Variants in ADGRG3 observed in about 807,000 individuals in gnomAD.
The protein encoded by ADGRG3 is adhesion G protein-coupled receptor G3.
ADGRG3 carries 39 observed loss-of-function variants against 54.3 expected under a neutral mutation model. That is an observed-to-expected ratio of 0.72 (90% CI 0.56 to 0.94). The LOEUF (loss-of-function observed/expected upper bound fraction) is 0.94, where lower values mean the gene tolerates loss of function less well. Ranked by LOEUF, ADGRG3 falls within the 40% of genes least tolerant of loss-of-function variation. The pLI, the probability that ADGRG3 is intolerant of heterozygous loss-of-function variation, is 0.00. For missense variants in ADGRG3, 654 were observed against 694.6 expected, an observed-to-expected ratio of 0.94 and a Z score of 0.66; for synonymous variants, 312 against 290.0, an observed-to-expected ratio of 1.08 and a Z score of -0.77.
intron 1 of ADGRG3, among the ~76,000 whole-genome samples, chr16:57,671,308 C>A: frequency 6.9e-6 from 1 of 144,316 alleles, no homozygotes; most frequent in Admixed American, 7.0e-5. Flanking sequence ...TTTTAAAGCA[C>A]ATACAGAAAG....
chr16:57,670,540 C>A (rs2048135825), intron 1 of ADGRG3, among the ~76,000 whole-genome samples: 1 of 152,046 alleles, frequency 6.6e-6, no homozygotes, highest in South Asian at 2.1e-4. Context: ...CCTCTCTTCC[C>A]TCTCCCTGTT....
intron 5 of ADGRG3, 106 bp from the exon 6 acceptor site, chr16:57,679,710 T>C: frequency 3.4e-6 from 3 of 888,544 alleles, no homozygotes; most frequent in Admixed American, 3.4e-5. Flanking sequence ...TTCTACCTAA[T>C]GCACACTCAC....
At chr16:57,673,610 C>T (rs1444653478) in intron 2 of ADGRG3, 142 bp downstream of exon 2, 6 of 735,282 alleles carry the variant, frequency 8.2e-6, no homozygotes, top group East Asian at 5.3e-5. Context: ...CACCACAGTC[C>T]CCCTGACCCA....
intron 2 of ADGRG3, among the ~76,000 whole-genome samples, chr16:57,674,879 C>T (rs1262318011): frequency 6.6e-6 from 1 of 150,454 alleles, no homozygotes; most frequent in Non-Finnish European, 1.5e-5. Flanking sequence ...GCCTGTAATC[C>T]CAGCTACTCG....
chr16:57,676,196 G>A lies in ADGRG3; in HGVS notation c.207-4G>A, dbSNP rs373063250. The A allele has an allele frequency of 3.1e-6, 5 of 1,613,510 alleles. No individual in the cohort carries two copies. The highest frequency in any genetic ancestry group is 2.5e-6 in the Non-Finnish European group (3 of 1,179,542). ...ACCCTCCCCCCATCCCTGGCCCTTT[G>A]CAGATACTGGCTAAACTACGAGGCC... is the stretch of plus-strand genomic sequence containing the variant. On this transcript the variant is annotated splice_polypyrimidine_tract_variant and splice_region_variant and intron_variant, in intron 2 of 11. Transcript: ENST00000333493.
upstream of ADGRG3, among the ~76,000 whole-genome samples, chr16:57,666,149 G>T (rs1351641632): frequency 6.6e-6 from 1 of 152,188 alleles, no homozygotes; most frequent in Admixed American, 6.5e-5. Flanking sequence ...GTCTCCGTGA[G>T]GGGGGTCTCT....
Position 57,680,440 on chromosome 16 carries a change from G to C in ADGRG3, c.769-65G>C, listed in dbSNP as rs931495325. The C allele has an allele frequency of 7.0e-6, 11 of 1,568,002 alleles. No homozygotes were observed. The African/African-American group carries it at 9.5e-5, about 13-fold the overall frequency. The stretch of plus-strand genomic sequence containing the variant: ...CCTGCCCTGGGGAGGGGGCTGCCTG[G>C]TGGTCTTTGGGTATATGGGCCTGGC... On this transcript the variant is annotated intron_variant, in intron 7 of 11. Transcript: ENST00000333493.
rs374354360 is a variant in ADGRG3 at position 57,685,804 on chromosome 16, G to C, written c.1418G>C (p.Arg473Pro). ...GCGGTCAAGGAGCGGGGGAAGAACC[G>C]GAAGAAGGTGCTCACCCTGCTGGGC... Reference protein sequence around the residue: ...ATAVKERGKNRKKVLTLLGLS... With the variant: ...ATAVKERGKNPKKVLTLLGLS... Residue 473 changes from arginine to proline, a missense_variant, in exon 11 of 12, where the codon CGG becomes CCG. Transcript: ENST00000333493. The C allele has an allele frequency of 8.1e-6, 13 of 1,614,176 alleles. No homozygotes were observed. The highest frequency in any genetic ancestry group is 1.1e-5 in the Non-Finnish European group (13 of 1,180,040).
intron 4 of ADGRG3, chr16:57,678,546 A>G: frequency 1.8e-6 from 1 of 568,288 alleles, no homozygotes; most frequent in Non-Finnish European, 3.2e-6. Context: ...CCCACACATG[A>G]GTGCCCTTTG....
intron 1 of ADGRG3, among the ~76,000 whole-genome samples, chr16:57,672,672 G>T (rs1180630708): frequency 6.6e-6 from 1 of 152,122 alleles, no homozygotes; most frequent in African/African-American, 2.4e-5. Flanking sequence ...AAAGGGAACC[G>T]AACTAAAAGT....
chr16:57,685,893 G>A lies in ADGRG3; in HGVS notation c.1507G>A (p.Val503Ile), dbSNP rs563627241. ...CTTCACCCCGTTGGGCCTCTCCACC[G>A]TCTACATCTTTGCACTTTTCAACTC... ...AIFTPLGLST[V>I]YIFALFNSLQ... Residue 503 changes from valine (V) to isoleucine (I), a missense_variant, in exon 11 of 12, where the codon GTC (valine) becomes ATC (isoleucine). Coordinates refer to ENST00000333493, the MANE Select transcript of ADGRG3 (RefSeq NM_170776.5). The A allele has an allele frequency of 1.1e-5, 18 of 1,614,126 alleles. No homozygotes were observed. The East Asian group carries it at 1.3e-4, about 12-fold the overall frequency.
rs1286134758 is a variant in ADGRG3, at chr16:57,676,246, C to G, written c.253C>G (p.Gln85Glu). The stretch of plus-strand genomic sequence containing the variant: ...CCATCTGATGAAGGAAGGTTTGACG[C>G]AGAAGGTGAACACGCCTTTCCTGAA... ...EAHLMKEGLT[Q>E]KVNTPFLKAL... Residue 85 changes from glutamine to glutamate, a missense_variant, in exon 3 of 12, where the codon CAG becomes GAG. Coordinates refer to ENST00000333493, the MANE Select transcript of ADGRG3 (RefSeq NM_170776.5). The G allele has an allele frequency of 5.0e-6, 8 of 1,614,060 alleles. No individual in the cohort carries two copies. The African/African-American group carries it at 9.3e-5, about 19-fold the overall frequency.
At chr16:57,675,253 A>G (rs2048241654) in intron 2 of ADGRG3, among the ~76,000 whole-genome samples, 1 of 151,726 alleles carries the variant, frequency 6.6e-6, no homozygotes, top group Non-Finnish European at 1.5e-5. Context: ...CTGAGGCAGG[A>G]AGATCACTTG....
Position 57,679,818 on chromosome 16 carries a change from C to T in ADGRG3, c.630C>T (p.Asn210=), listed in dbSNP as rs756605138. Residue 210 remains asparagine, a splice_region_variant and synonymous_variant, in exon 6 of 12, where the codon AAC becomes AAT. Transcript: ENST00000333493. The part of the protein sequence containing the change: ...IVFSHQRPPP[N]MTLTCVFWDV... ...TGACTTCCACTCTTCGGTTTCAGAACATGACCCTCACCTGTGTATTCTGGG... is the reference window on the plus strand; with the variant it reads ...TGACTTCCACTCTTCGGTTTCAGAATATGACCCTCACCTGTGTATTCTGGG... 7 of 1,612,900 alleles carry T rather than the reference C, an allele frequency of 4.3e-6. No homozygotes were observed. In the South Asian group the frequency reaches 5.5e-5, roughly 13 times the overall value.
rs563521234 is a variant in ADGRG3, at chr16:57,682,678, C to T, written c.882-1254C>T. Reference sequence around the variant, plus strand: ...CTCCAGGAAGCCCCCGGCTCCCCTCCCTCGGCTGAGAGCCCTTTTGGATCT... The same window carrying T: ...CTCCAGGAAGCCCCCGGCTCCCCTCTCTCGGCTGAGAGCCCTTTTGGATCT... On this transcript the variant is annotated intron_variant, in intron 8 of 11. Coordinates refer to ENST00000333493, the MANE Select transcript of ADGRG3 (RefSeq NM_170776.5). The T allele has an allele frequency of 1.1e-5, 11 of 975,296 alleles. No individual in the cohort carries two copies. The African/African-American group carries it at 1.9e-4, about 17-fold the overall frequency. 60.4% of individuals were successfully genotyped at this position (975,296 alleles called of 1,614,324 possible).
chr16:57,680,917 G>T (rs1019485735), intron 8 of ADGRG3, among the ~76,000 whole-genome samples: 16 of 152,134 alleles, frequency 1.1e-4, no homozygotes, highest in Admixed American at 7.9e-4. Flanking sequence ...TGGACTTCTG[G>T]CAGGGTTCGA....
chr16:57,685,319 A>G (rs1324745353), intron 10 of ADGRG3, among the ~76,000 whole-genome samples: 1 of 152,334 alleles, frequency 6.6e-6, no homozygotes, highest in East Asian at 1.9e-4. Flanking sequence ...GCATCCACAG[A>G]GCTGCCAGGT....
Position 57,675,012 on chromosome 16 carries a change from A to AAAAAGCAGCAGC in ADGRG3, c.207-1187_207-1186insAAAGCAGCAGCA, listed in dbSNP as rs35561154. On this transcript the variant is annotated intron_variant, in intron 2 of 11. Transcript: ENST00000333493. The stretch of plus-strand genomic sequence containing the variant: ...CTCCATCTCAAAAAAAAAAAAAAAA[A>AAAAAGCAGCAGC]AGCAGCAGCAGCAGCAGCAGCAGCA... Among the ~76,000 whole-genome samples, 7 of 115,458 alleles carry AAAAAGCAGCAGC rather than the reference A, an allele frequency of 6.1e-5. No individual in the cohort carries two copies. In the East Asian group the frequency reaches 1.3e-3, roughly 21 times the overall value. The allele number at this position is 115,458 out of a possible 152,430, so 75.7% of individuals were successfully genotyped here. A position where few individuals can be genotyped will look rare whatever the true frequency, so the allele number is the denominator to read the frequency against.
At chr16:57,676,837 G>A (rs1039376945) in intron 3 of ADGRG3, among the ~76,000 whole-genome samples, 2 of 152,024 alleles carry the variant, frequency 1.3e-5, no homozygotes, top group African/African-American at 2.4e-5. Flanking sequence ...CCATCTCTAC[G>A]AAAACAAAAC....
Sources: allele counts gnomAD v4.1 joint callset (sites outside exome capture counted in the v4.1 genomes callset), GRCh38; gene constraint gnomAD v4.1.1; transcripts MANE v1.5; gene names NCBI Gene and HGNC (gene_info 2026-07-23, HGNC 2026-07-21).